The following TANC2 variants were observed in gnomAD, a reference collection of about 807,000 sequenced individuals.
The protein encoded by TANC2 is protein TANC2.
In TANC2, 26 loss-of-function variants were observed where a neutral mutation model predicts 210.5. The observed-to-expected ratio is 0.12, with a 90% CI of 0.09 to 0.17. TANC2 has a LOEUF of 0.17. Ranked by LOEUF, TANC2 falls within the 10% of genes least tolerant of loss-of-function variation. The probability of loss-of-function intolerance (pLI) is 1.00; values close to 1 mark genes in which losing one functional copy is unlikely to be tolerated. For missense variants in TANC2, 2,129 were observed against 2,608.9 expected, an observed-to-expected ratio of 0.82 and a Z score of 4.01; for synonymous variants, 931 against 967.1, an observed-to-expected ratio of 0.96 and a Z score of 0.69.
chr17:63,358,379 A>AAGTATG (rs2046847097), intron 14 of TANC2, among the ~76,000 whole-genome samples: 1 of 139,540 alleles, frequency 7.2e-6, no homozygotes, highest in Admixed American at 7.1e-5. Flanking sequence ...GAGAGAGAGT[A>AAGTATG]TGTGTGTGTG....
At chr17:63,080,880 G>A (rs897257916) in intron 3 of TANC2, among the ~76,000 whole-genome samples, 1 of 152,030 alleles carries the variant, frequency 6.6e-6, no homozygotes, top group Admixed American at 6.5e-5. Context: ...TAAACTAGGT[G>A]CATAATCCTC....
intron 4 of TANC2, among the ~76,000 whole-genome samples, chr17:63,100,001 A>G (rs2037562732): frequency 6.6e-6 from 1 of 152,150 alleles, no homozygotes; most frequent in Non-Finnish European, 1.5e-5. Flanking sequence ...TTTAATATAT[A>G]GTTGAAGAAT....
chr17:63,170,272 A>C (rs1404903437), intron 5 of TANC2, among the ~76,000 whole-genome samples: 3 of 141,820 alleles, frequency 2.1e-5, no homozygotes, highest in Non-Finnish European at 1.5e-5. Context: ...TAAAAATACA[A>C]AAAAAAAAAA....
At chr17:63,226,251 A>G (rs1488158384) in intron 7 of TANC2, among the ~76,000 whole-genome samples, 1 of 152,210 alleles carries the variant, frequency 6.6e-6, no homozygotes, top group Non-Finnish European at 1.5e-5. Context: ...CCTTACTGTA[A>G]TGTATTCTAC....
intron 13 of TANC2, among the ~76,000 whole-genome samples, chr17:63,354,193 T>G (rs1057247521): frequency 2.0e-5 from 3 of 152,096 alleles, no homozygotes; most frequent in Non-Finnish European, 4.4e-5. Flanking sequence ...CTTCCCCCAG[T>G]AGAATTTCCA....
intron 9 of TANC2, among the ~76,000 whole-genome samples, chr17:63,277,772 A>T (rs758381462): frequency 6.6e-6 from 1 of 151,848 alleles, no homozygotes; most frequent in Admixed American, 6.6e-5. Context: ...TGCCAACACA[A>T]TGCTTAATGA....
exon 28 of TANC2, chr17:63,422,541 G>A (rs2049052312): frequency 6.6e-6 from 1 of 152,386 alleles, no homozygotes; most frequent in Admixed American, 6.5e-5. Context: ...ATCAGAGAGA[G>A]AAGAATTAAG....
At chr17:63,172,193 CTTTTTTT>C (rs549414417) in intron 5 of TANC2, among the ~76,000 whole-genome samples, 1 of 131,032 alleles carries the variant, frequency 7.6e-6, no homozygotes, top group African/African-American at 2.8e-5. Context: ...CTTTTCTTTT[CTTTTTTT>C]TTTTTTTTTA....
At chr17:63,108,290 A>C (rs1661397681) in intron 4 of TANC2, among the ~76,000 whole-genome samples, 1 of 151,814 alleles carries the variant, frequency 6.6e-6, no homozygotes, top group Non-Finnish European at 1.5e-5. Context: ...GGAATGTTCT[A>C]AACAAAAAGA....
chr17:63,080,014 C>G lies in TANC2; in HGVS notation c.139+6000C>G, dbSNP rs1334018712. ...CTGCCGCAGGTTAGGTGGTTATTTT[C>G]TACTTTCCAATAGCGTATTATATAT... On this transcript the variant is annotated intron_variant, in intron 3 of 27. Coordinates refer to ENST00000689528, the Ensembl canonical transcript of TANC2. Among the ~76,000 whole-genome samples the G allele has an allele frequency of 1.3e-5, 2 of 152,162 alleles. 1 individual carries two copies. The highest frequency in any genetic ancestry group is 2.9e-5 in the Non-Finnish European group (2 of 68,022).
intron 5 of TANC2, among the ~76,000 whole-genome samples, chr17:63,165,122 A>G (rs986616381): frequency 5.9e-5 from 9 of 152,070 alleles, no homozygotes; most frequent in Admixed American, 5.9e-4. Flanking sequence ...CCCCTCTACA[A>G]AAATAAAAAT....
At chr17:63,128,667 C>T (rs957585416) in intron 4 of TANC2, among the ~76,000 whole-genome samples, 40 of 152,150 alleles carry the variant, frequency 2.6e-4, no homozygotes, top group Admixed American at 2.5e-3. Flanking sequence ...AAAACCAATC[C>T]GCTACTAGTC....
Position 63,065,753 on chromosome 17 carries a change from C to A in TANC2, c.68-8190C>A, listed in dbSNP as rs2036172357. 2.6e-5 allele frequency among the ~76,000 whole-genome samples: 4 copies of A among 152,060 alleles called. No individual in the cohort carries two copies. The South Asian group carries it at 8.3e-4, about 32-fold the overall frequency. ...CCATTTTTAAATAAGATAATTTGTT[C>A]TCTTGCTATTGAATTGAGTTCCTTG... On this transcript the variant is annotated intron_variant, in intron 2 of 27. Transcript: ENST00000689528.
intron 8 of TANC2, among the ~76,000 whole-genome samples, chr17:63,249,414 A>G (rs536449309): frequency 2.0e-5 from 3 of 152,290 alleles, no homozygotes; most frequent in South Asian, 2.1e-4. Flanking sequence ...TAGGCAGTCT[A>G]CGGTCATCCT....
intron 1 of TANC2, among the ~76,000 whole-genome samples, chr17:62,991,059 G>A (rs183229719): frequency 5.9e-5 from 9 of 152,076 alleles, no homozygotes; most frequent in Non-Finnish European, 7.4e-5. Context: ...ACAGTGTTCA[G>A]CCGCCTTGGT....
chr17:63,229,883 T>C (rs1598654553), intron 7 of TANC2, among the ~76,000 whole-genome samples: 2 of 151,920 alleles, frequency 1.3e-5, no homozygotes, highest in South Asian at 4.2e-4. Context: ...GATTTTCATG[T>C]CTCAGCCTCA....
chr17:63,027,827 G>A (rs1406218855), intron 2 of TANC2, among the ~76,000 whole-genome samples: 1 of 152,020 alleles, frequency 6.6e-6, no homozygotes, highest in Non-Finnish European at 1.5e-5. Context: ...TAAATGGGAA[G>A]CATCTTTCTT....
intron 2 of TANC2, among the ~76,000 whole-genome samples, chr17:63,038,590 T>C (rs981250952): frequency 2.6e-5 from 4 of 152,198 alleles, no homozygotes; most frequent in Admixed American, 2.6e-4. Context: ...TTGTAGAATT[T>C]GTTATTTCTT....
chr17:63,425,405 G>A (rs548956758), exon 28 of TANC2: 1 of 152,306 alleles, frequency 6.6e-6, no homozygotes, highest in African/African-American at 2.4e-5. Flanking sequence ...AGTAGTTTAT[G>A]AGCCCCTCTC....
Sources: gnomAD v4.1 joint callset for allele counts (sites outside exome capture counted in the v4.1 genomes callset) on GRCh38, gnomAD v4.1.1 for gene constraint, MANE v1.5 for transcripts, NCBI Gene and HGNC (gene_info 2026-07-23, HGNC 2026-07-21) for gene names.